NACAD: variants seen among roughly 807,000 people sequenced by gnomAD.
The protein encoded by NACAD is NAC alpha domain containing.
NACAD carries 47 observed loss-of-function variants against 98.9 expected under a neutral mutation model. That is an observed-to-expected ratio of 0.48 (90% CI 0.38 to 0.61). The LOEUF (loss-of-function observed/expected upper bound fraction) is 0.61. Among genes scored for constraint, NACAD ranks in the 20% least tolerant of loss-of-function variants. The probability of loss-of-function intolerance (pLI) is 0.00; values close to 1 mark genes in which losing one functional copy is unlikely to be tolerated. For missense variants in NACAD, 1,412 were observed against 1,748.2 expected, an observed-to-expected ratio of 0.81 and a Z score of 3.43; for synonymous variants, 696 against 767.2, an observed-to-expected ratio of 0.91 and a Z score of 1.53.
chr7:45,080,894 T>C lies in NACAD; in HGVS notation c.4533A>G (p.Glu1511=). The change falls in exon 6 of 8, where the codon GAA becomes GAG. Residue 1511 remains glutamate (E), a synonymous_variant. Coordinates refer to ENST00000490531, the MANE Select transcript of NACAD (RefSeq NM_001146334.2). ...ACTTCACCTCTTCCTCCTCCTCCTC[T>C]TCCTCTTCCTTGCACTCCAGCCTCA... ...PRVRLECKEE[E]EEEEEEVDEA... is the part of the protein sequence containing the mutation. 2 of 1,557,798 alleles carry C rather than the reference T, an allele frequency of 1.3e-6. No individual in the cohort carries two copies. Among genetic ancestry groups the C allele is most frequent in the Non-Finnish European group, 1.7e-6 (2 of 1,150,774 alleles).
chr7:45,087,147 G>A (rs1308233087), intron 1 of NACAD, among the ~76,000 whole-genome samples: 3 of 152,198 alleles, frequency 2.0e-5, no homozygotes, highest in African/African-American at 7.2e-5. Context: ...TCAGGAAGAT[G>A]GAAGAAAACC....
chr7:45,085,076 C>T lies in NACAD; in HGVS notation c.1104G>A (p.Leu368=). 1.3e-6 allele frequency: 2 copies of T among 1,551,098 alleles called. No individual in the cohort carries two copies. Among genetic ancestry groups the T allele is most frequent in the Middle Eastern group, 1.7e-4 (1 of 5,990 alleles). Residue 368 remains leucine (L), a synonymous_variant, in exon 2 of 8, where the codon CTG becomes CTA. Coordinates refer to ENST00000490531, the MANE Select transcript of NACAD (RefSeq NM_001146334.2). The surrounding 1 kb of genome is among the most constrained non-coding windows in gnomAD (Gnocchi z 6.1). ...CCTCGTCCATGCCCTCCGTGATGGA[C>T]AGGTCAGACAGTGACTGCAGGAAGG... ...SASFLQSLSD[L]SITEGMDEAF... is the part of the protein sequence containing the mutation.
In NACAD at chr7:45,085,172, C is replaced by T; in HGVS notation, c.1008G>A (p.Glu336=). ...CTGGGTCGGGATCCGCCACAGCCTC[C>T]TCTTCTTCTTCCTCTGGGGATAGCG... The part of the protein sequence containing the change: ...VTPLSPEEEE[E]EAVADPDPGG... The change falls in exon 2 of 8, where the codon GAG becomes GAA. Residue 336 remains glutamate (E), a synonymous_variant. Transcript: ENST00000490531. This position sits in a 1 kb window ranked among gnomAD's most constrained non-coding sequence, Gnocchi z 6.1. 6.4e-7 allele frequency: 1 copy of T among 1,550,898 alleles called. No homozygotes were observed. Among genetic ancestry groups the T allele is most frequent in the African/African-American group, 1.4e-5 (1 of 73,164 alleles).
In NACAD at chr7:45,082,157, T is replaced by C. The variant is rs1431459656; in HGVS notation, c.4023A>G (p.Gln1341=). 4.7e-6 allele frequency: 7 copies of C among 1,499,330 alleles called. No homozygotes were observed. Among genetic ancestry groups the C allele is most frequent in the South Asian group, 1.3e-5 (1 of 75,014 alleles). 92.9% of individuals were successfully genotyped at this position (1,499,330 alleles called of 1,614,324 possible). A position where few individuals can be genotyped will look rare whatever the true frequency, so the allele number is the denominator to read the frequency against. The change falls in exon 2 of 8, where the codon CAA becomes CAG. Residue 1341 remains glutamine (Q), a synonymous_variant. Transcript: ENST00000490531. The surrounding 1 kb of genome is among the most constrained non-coding windows in gnomAD (Gnocchi z 4.5). ...PSGPQSPAGP[Q]GLSAPEQQED... is the part of the protein sequence containing the mutation. Reference sequence around the variant, plus strand: ...CTTGCTGCTCGGGGGCTGAGAGCCCTTGAGGGCCAGCTGGGCTCTGGGGCC... The same window carrying C: ...CTTGCTGCTCGGGGGCTGAGAGCCCCTGAGGGCCAGCTGGGCTCTGGGGCC...
At chr7:45,087,397 A>G in intron 1 of NACAD, among the ~76,000 whole-genome samples, 1 of 152,258 alleles carries the variant, frequency 6.6e-6, no homozygotes, top group East Asian at 1.9e-4. Context: ...CTCTGTTTGA[A>G]GCATCCAATG....
At position 45,083,011 on chromosome 7, in the gene NACAD, G is replaced by A. The variant is rs1197265291; in HGVS notation, c.3169C>T (p.Arg1057Ter). 7 of 1,550,786 alleles carry A rather than the reference G, an allele frequency of 4.5e-6. No homozygotes were observed. Among genetic ancestry groups the A allele is most frequent in the East Asian group, 2.4e-5 (1 of 40,934 alleles). The change falls in exon 2 of 8, where the codon CGA (arginine) becomes TGA (stop). Residue 1057 changes from arginine (R) to a stop codon, truncating the protein, a stop_gained. Coordinates refer to ENST00000490531, the MANE Select transcript of NACAD (RefSeq NM_001146334.2). LOFTEE classifies it high-confidence loss of function. The part of the protein sequence containing the change: ...RPGREACLEA[R>*]AHTGDGAKPD... ...TTAGCCCCATCACCTGTGTGCGCTC[G>A]CGCTTCCAGACATGCTTCCCGTCCA...
At position 45,085,146 on chromosome 7, in the gene NACAD, C is replaced by T. The variant is rs1420448990; in HGVS notation, c.1034G>A (p.Gly345Asp). 3.2e-6 allele frequency: 5 copies of T among 1,550,610 alleles called. No individual in the cohort carries two copies. The African/African-American group carries it at 5.5e-5, about 17-fold the overall frequency. The change falls in exon 2 of 8, where the codon GGT becomes GAT. Residue 345 changes from glycine (G) to aspartate (D), a missense_variant. Physicochemically the swap from Gly to Asp is moderately conservative, Grantham distance 94. This residue lies in a region of NACAD where 638 missense variants were observed against 722.7 expected (regional missense o/e 0.88). Coordinates refer to ENST00000490531, the MANE Select transcript of NACAD (RefSeq NM_001146334.2). This position sits in a 1 kb window ranked among gnomAD's most constrained non-coding sequence, Gnocchi z 6.1. ...CTCACCCTCCCCAGCCAGGTCCCCA[C>T]CTGGGTCGGGATCCGCCACAGCCTC... ...EEEAVADPDP[G>D]GDLAGEGEED...
rs1185282030 is a variant in NACAD at position 45,085,594 on chromosome 7, C to T, written c.586G>A (p.Asp196Asn). 1.3e-6 allele frequency: 2 copies of T among 1,549,882 alleles called. No individual in the cohort carries two copies. Among genetic ancestry groups the T allele is most frequent in the East Asian group, 4.9e-5 (2 of 40,884 alleles). ...ALLPACGPHG[D>N]ARDSEAELRD... ...AGCTCAGCCTCTGAGTCCCTGGCGT[C>T]CCCGTGGGGCCCACAGGCAGGAAGC... Residue 196 changes from aspartate to asparagine, a missense_variant, in exon 2 of 8, where the codon GAC (aspartate) becomes AAC (asparagine). Asp to Asn is a conservative substitution (Grantham distance 23). Around this residue, in one of 5 missense-constraint regions of NACAD, gnomAD observed 638 missense variants for 722.7 expected, o/e 0.88. Coordinates refer to ENST00000490531, the MANE Select transcript of NACAD (RefSeq NM_001146334.2). This position sits in a 1 kb window ranked among gnomAD's most constrained non-coding sequence, Gnocchi z 6.1.
chr7:45,087,977 G>A (rs547263546), intron 1 of NACAD, among the ~76,000 whole-genome samples: 209 of 152,296 alleles, frequency 1.4e-3, no homozygotes, highest in African/African-American at 4.7e-3. Context: ...CCTGGGGCTG[G>A]GAAGTCTGGG....
Position 45,083,365 on chromosome 7 carries a change from G to C in NACAD, c.2815C>G (p.Pro939Ala). The C allele has an allele frequency of 6.4e-7, 1 of 1,551,432 alleles. No individual in the cohort carries two copies. The highest frequency in any genetic ancestry group is 8.7e-7 in the Non-Finnish European group (1 of 1,147,026). ...QDTGPTSGPE[P>A]LAVATPQTLQ... is the part of the protein sequence containing the mutation. ...GTTTGAGGGGTGGCCACAGCCAGAG[G>C]CTCTGGACCTGAGGTGGGGCCTGTG... Residue 939 changes from proline (P) to alanine (A), a missense_variant, in exon 2 of 8, where the codon CCT becomes GCT. Physicochemically the swap from Pro to Ala is conservative, Grantham distance 27. This residue lies in a region of NACAD where 572 missense variants were observed against 639.6 expected (regional missense o/e 0.89). Coordinates refer to ENST00000490531, the MANE Select transcript of NACAD (RefSeq NM_001146334.2).
rs936875364 is a variant in NACAD at position 45,084,471 on chromosome 7, C to T, written c.1709G>A (p.Gly570Glu). The T allele has an allele frequency of 1.9e-6, 3 of 1,551,932 alleles. No homozygotes were observed. The highest frequency in any genetic ancestry group is 2.6e-6 in the Non-Finnish European group (3 of 1,147,088). ...DSPQNLKEEGGLDLPSGRKPV... is the reference protein window; with the variant it reads ...DSPQNLKEEGELDLPSGRKPV... ...CTTTCTGCCAGAGGGGAGGTCCAGC[C>T]CTCCTTCTTCCTTCAAGTTCTGAGG... Residue 570 changes from glycine to glutamate, a missense_variant, in exon 2 of 8, where the codon GGG (glycine) becomes GAG (glutamate). Gly to Glu is a moderately conservative substitution (Grantham distance 98). This residue lies in a region of NACAD where 72 missense variants were observed against 198.0 expected (regional missense o/e 0.36). Transcript: ENST00000490531.
At chr7:45,086,477 C>G (rs1209085530) in intron 1 of NACAD, among the ~76,000 whole-genome samples, 1 of 152,184 alleles carries the variant, frequency 6.6e-6, no homozygotes, top group Non-Finnish European at 1.5e-5. Flanking sequence ...TTCAGCTGGG[C>G]TCGGTGGGAG....
Position 45,081,818 on chromosome 7 carries a change from C to T in NACAD, c.4122G>A (p.Glu1374=). Residue 1374 remains glutamate, a synonymous_variant, in exon 3 of 8, where the codon GAG becomes GAA. Transcript: ENST00000490531. ...CCTGCTCGTCCAGCTCGGCTGATGA[C>T]TCCCCGTGGCTATCCGAATGCTGGC... is the stretch of plus-strand genomic sequence containing the variant. The part of the protein sequence containing the change: ...GSGQHSDSHG[E]SSAELDEQDI... 8 of 1,549,900 alleles carry T rather than the reference C, an allele frequency of 5.2e-6. No homozygotes were observed. The highest frequency in any genetic ancestry group is 7.0e-6 in the Non-Finnish European group (8 of 1,146,968).
Position 45,084,997 on chromosome 7 carries a change from A to G in NACAD, c.1183T>C (p.Ser395Pro). 6.4e-7 allele frequency: 1 copy of G among 1,551,036 alleles called. No individual in the cohort carries two copies. Among genetic ancestry groups the G allele is most frequent in the Non-Finnish European group, 8.7e-7 (1 of 1,146,934 alleles). The change falls in exon 2 of 8, where the codon TCC (serine) becomes CCC (proline). Residue 395 changes from serine to proline, a missense_variant. Ser to Pro is a moderately conservative substitution (Grantham distance 74, BLOSUM62 -1). Around this residue, in one of 5 missense-constraint regions of NACAD, gnomAD observed 638 missense variants for 722.7 expected, o/e 0.88. Transcript: ENST00000490531. ...CTCTCATCATCTGCCTCTGCGTAGG[A>G]GGCTGAGTCTGAATCAGAGGAGGCT... Reference protein sequence around the residue: ...SAASSDSDSASYAEADDERLY... With the variant: ...SAASSDSDSAPYAEADDERLY...
intron 1 of NACAD, among the ~76,000 whole-genome samples, chr7:45,087,203 T>G (rs80005227): frequency 0.088 from 13,330 of 152,298 alleles, 1,440 homozygotes; most frequent in African/African-American, 0.25. Flanking sequence ...TTCTGCCTCC[T>G]GGACTCTTAC....
At chr7:45,081,363 C>A (rs966973825) in intron 4 of NACAD, 100 bp from the exon 5 acceptor site, 66 of 1,468,594 alleles carry the variant, frequency 4.5e-5, no homozygotes, top group East Asian at 1.2e-4. Flanking sequence ...CCACCGCCAA[C>A]TTCCCCAAGA....
rs764877585 is a variant in NACAD at position 45,085,766 on chromosome 7, C to T, written c.414G>A (p.Ala138=). 70 of 1,548,728 alleles carry T rather than the reference C, an allele frequency of 4.5e-5. No homozygotes were observed. The East Asian group carries it at 5.9e-4, about 13-fold the overall frequency. The change falls in exon 2 of 8, where the codon GCG becomes GCA. Residue 138 remains alanine (A), a synonymous_variant. Coordinates refer to ENST00000490531, the MANE Select transcript of NACAD (RefSeq NM_001146334.2). The surrounding 1 kb of genome is among the most constrained non-coding windows in gnomAD (Gnocchi z 6.1). ...ALLSPRAART[A]LRDQEGGHAS... ...CGTGCCCACCCTCCTGGTCCCTGAG[C>T]GCTGTCCGGGCAGCTCTGGGTGACA... is the stretch of plus-strand genomic sequence containing the variant.
chr7:45,087,012 C>T (rs901054867), intron 1 of NACAD, among the ~76,000 whole-genome samples: 3 of 152,172 alleles, frequency 2.0e-5, no homozygotes, highest in African/African-American at 4.8e-5. Context: ...TCCCCCAACC[C>T]GCTGGGCAGG....
In NACAD at chr7:45,082,522, G is replaced by C; in HGVS notation, c.3658C>G (p.Pro1220Ala). ...TCAGGGCCCAGGGGCCTGTCCACGG[G>C]CGTGCTGGGCTGACCCTTGGCAAGG... ...ENLAKGQPSTPVDRPLGPDPS... is the reference protein window; with the variant it reads ...ENLAKGQPSTAVDRPLGPDPS... Residue 1220 changes from proline (P) to alanine (A), a missense_variant, in exon 2 of 8, where the codon CCC becomes GCC. Physicochemically the swap from Pro to Ala is conservative, Grantham distance 27. Transcript: ENST00000490531. The surrounding 1 kb of genome is among the most constrained non-coding windows in gnomAD (Gnocchi z 4.5). 6.5e-7 allele frequency: 1 copy of C among 1,549,620 alleles called. No homozygotes were observed. The highest frequency in any genetic ancestry group is 1.2e-5 in the South Asian group (1 of 84,016).
Sources: gnomAD v4.1 joint callset for allele counts (sites outside exome capture counted in the v4.1 genomes callset) on GRCh38, gnomAD v4.1.1 for gene constraint, gnomAD v4.1.1 regional missense constraint, Gnocchi (gnomAD v3.1) non-coding constraint, MANE v1.5 for transcripts, NCBI Gene and HGNC (gene_info 2026-07-23, HGNC 2026-07-21) for gene names.